The following PTPRD variants were observed in gnomAD, a reference collection of about 807,000 sequenced individuals.
PTPRD encodes the protein receptor-type tyrosine-protein phosphatase delta.
PTPRD carries 34 observed loss-of-function variants against 214.5 expected under a neutral mutation model. That is an observed-to-expected ratio of 0.16 (90% CI 0.12 to 0.21). The LOEUF (loss-of-function observed/expected upper bound fraction) is 0.21, where lower values mean the gene tolerates loss of function less well. PTPRD is among the 10% of genes least tolerant of loss of function. PTPRD has a pLI of 1.00. For missense variants in PTPRD, 2,545 were observed against 2,398.7 expected (o/e 1.06, Z -1.27); for synonymous variants, 1,128 against 845.7 (o/e 1.33, Z -5.79).
chr9:9,397,456 G>A lies in PTPRD; in HGVS notation c.-210C>T, dbSNP rs560674959. The A allele has an allele frequency of 1.3e-5, 2 of 152,472 alleles. No individual in the cohort carries two copies. The highest frequency in any genetic ancestry group is 4.8e-5 in the African/African-American group (2 of 41,520). The allele number at this position is 152,472 out of a possible 1,614,324, so 9.4% of individuals were successfully genotyped here. On this transcript the variant is annotated 5_prime_UTR_variant, in exon 9 of 46. Coordinates refer to ENST00000381196, the MANE Select transcript of PTPRD (RefSeq NM_002839.4). ...TGAGCAAAATAAACTTACCACAGTTGTTCAGTTAATGGACAGGCACCATCA... is the reference window on the plus strand; with the variant it reads ...TGAGCAAAATAAACTTACCACAGTTATTCAGTTAATGGACAGGCACCATCA...
chr9:8,330,410 G>GCACTGGGAAACCAAAAAGTAT (rs1157524417), intron 44 of PTPRD, among the ~76,000 whole-genome samples: 3 of 152,048 alleles, frequency 2.0e-5, no homozygotes, highest in Admixed American at 6.6e-5. Flanking sequence ...ACTTTTATAT[G>GCACTGGGAAACCAAAAAGTAT]CACTGGGAAA....
At chr9:9,793,497 C>A (rs1023945356) in intron 5 of PTPRD, among the ~76,000 whole-genome samples, 1 of 151,954 alleles carries the variant, frequency 6.6e-6, no homozygotes, top group Admixed American at 6.6e-5. Context: ...GATGGATGGA[C>A]GGACAGATAG....
chr9:8,362,586 T>C (rs1194270074), intron 39 of PTPRD, among the ~76,000 whole-genome samples: 1 of 152,184 alleles, frequency 6.6e-6, no homozygotes, highest in Non-Finnish European at 1.5e-5. Context: ...GAGTTTAGGA[T>C]GTGAAGAATG....
intron 4 of PTPRD, among the ~76,000 whole-genome samples, chr9:10,009,732 C>T (rs377362630): frequency 2.0e-5 from 3 of 151,928 alleles, no homozygotes; most frequent in African/African-American, 7.2e-5. Context: ...CCGCAAAGGA[C>T]AGCTTTGCAG....
At position 8,521,260 on chromosome 9, in the gene PTPRD, T is replaced by C. The variant is rs754116873; in HGVS notation, c.961+17A>G. 3 of 1,600,376 alleles carry C rather than the reference T, an allele frequency of 1.9e-6. No homozygotes were observed. Among genetic ancestry groups the C allele is most frequent in the Non-Finnish European group, 2.6e-6 (3 of 1,171,860 alleles). On this transcript the variant is annotated intron_variant, in intron 20 of 45. Transcript: ENST00000381196. ...TGAGTGTACCCAGATCCTCAAAGCA[T>C]AATCCATTGAGCATACCTTTGACAG...
At chr9:9,729,278 G>C (rs1358491276) in intron 7 of PTPRD, among the ~76,000 whole-genome samples, 1 of 152,098 alleles carries the variant, frequency 6.6e-6, no homozygotes, top group East Asian at 1.9e-4. Context: ...TCAGGGATTA[G>C]GAAGATTCAG....
At chr9:8,689,125 A>G (rs1243690122) in intron 12 of PTPRD, among the ~76,000 whole-genome samples, 1 of 152,178 alleles carries the variant, frequency 6.6e-6, no homozygotes, top group Non-Finnish European at 1.5e-5. Context: ...CACTAAAGTG[A>G]CTCTGAGAAT....
intron 11 of PTPRD, among the ~76,000 whole-genome samples, chr9:8,981,773 A>G (rs1357690952): frequency 2.0e-5 from 3 of 152,080 alleles, no homozygotes; most frequent in African/African-American, 7.2e-5. Context: ...TATAATTGCA[A>G]AATACTATGC....
chr9:9,115,012 G>A (rs941193291), intron 10 of PTPRD, among the ~76,000 whole-genome samples: 4 of 152,162 alleles, frequency 2.6e-5, no homozygotes, highest in Non-Finnish European at 4.4e-5. Context: ...AGAGAGGACC[G>A]TGTATAAGGT....
intron 11 of PTPRD, among the ~76,000 whole-genome samples, chr9:8,813,264 C>T (rs76168448): frequency 6.9e-5 from 10 of 145,644 alleles, no homozygotes; most frequent in African/African-American, 2.1e-4. Flanking sequence ...TGAGGAAGGG[C>T]GGGGGGGCAG....
At chr9:10,330,619 T>A (rs1390967013) in intron 3 of PTPRD, among the ~76,000 whole-genome samples, 2 of 151,716 alleles carry the variant, frequency 1.3e-5, no homozygotes, top group Non-Finnish European at 3.0e-5. Context: ...TTCCATAAAT[T>A]CATTCCCTAA....
chr9:8,371,693 G>T (rs962374322), intron 39 of PTPRD, among the ~76,000 whole-genome samples: 2 of 151,964 alleles, frequency 1.3e-5, no homozygotes, highest in Admixed American at 1.3e-4. Context: ...AAAAATTATC[G>T]TGTATATCAA....
At chr9:9,896,408 G>A (rs1321273997) in intron 5 of PTPRD, among the ~76,000 whole-genome samples, 3 of 151,968 alleles carry the variant, frequency 2.0e-5, no homozygotes, top group African/African-American at 7.2e-5. Flanking sequence ...ACTAGTGCAA[G>A]GTTTCAAGCA....
chr9:9,956,370 C>G (rs566652774), intron 4 of PTPRD, among the ~76,000 whole-genome samples: 6 of 151,186 alleles, frequency 4.0e-5, no homozygotes, highest in African/African-American at 1.5e-4. Context: ...GTCAGATGAT[C>G]AGAAATTTTT....
chr9:8,555,207 C>A (rs547758322), intron 14 of PTPRD, among the ~76,000 whole-genome samples: 2 of 152,182 alleles, frequency 1.3e-5, no homozygotes, highest in South Asian at 2.1e-4. Flanking sequence ...AGTTTGAGAC[C>A]AGCCTGGGCA....
rs1334973727 is a variant in PTPRD at position 9,012,907 on chromosome 9, A to T, written c.-104+5790T>A. Among the ~76,000 whole-genome samples the T allele has an allele frequency of 2.0e-5, 3 of 152,250 alleles. No homozygotes were observed. The East Asian group carries it at 5.8e-4, about 29-fold the overall frequency. On this transcript the variant is annotated intron_variant, in intron 11 of 45. Coordinates refer to ENST00000381196, the MANE Select transcript of PTPRD (RefSeq NM_002839.4). The stretch of plus-strand genomic sequence containing the variant: ...TATCTACTGGCCTACATCTCTAGAA[A>T]TCTATATCCAATTTATACCAGACAG...
intron 2 of PTPRD, among the ~76,000 whole-genome samples, chr9:10,454,895 C>A (rs10511547): frequency 6.6e-6 from 1 of 151,448 alleles, no homozygotes; most frequent in African/African-American, 2.4e-5. Flanking sequence ...ACAAAGTGAT[C>A]AAATGTACTG....
chr9:8,471,152 A>G, intron 30 of PTPRD, 67 bp from the exon 31 acceptor site: 1 of 1,353,998 alleles, frequency 7.4e-7, no homozygotes, highest in Non-Finnish European at 1.1e-6. Flanking sequence ...ATACCCTTAA[A>G]CCTTCCACAG....
At chr9:10,506,284 C>A (rs183088881) in intron 2 of PTPRD, among the ~76,000 whole-genome samples, 1 of 152,016 alleles carries the variant, frequency 6.6e-6, no homozygotes, top group Non-Finnish European at 1.5e-5. Flanking sequence ...TTACCATATA[C>A]CTGTTCCCCA....
Sources: gnomAD v4.1 joint callset for allele counts (sites outside exome capture counted in the v4.1 genomes callset) on GRCh38, gnomAD v4.1.1 for gene constraint, MANE v1.5 for transcripts, NCBI Gene and HGNC (gene_info 2026-07-23, HGNC 2026-07-21) for gene names.